The following SHROOM4 variants were observed in gnomAD, a reference collection of about 807,000 sequenced individuals.
SHROOM4 encodes the protein shroom family member 4.
SHROOM4 carries 17 observed loss-of-function variants against 80.3 expected under a neutral mutation model. The observed-to-expected ratio is 0.21, with a 90% CI of 0.14 to 0.32. The LOEUF is 0.32. Among genes scored for constraint, SHROOM4 ranks in the 10% least tolerant of loss-of-function variants. SHROOM4 has a pLI of 1.00. For missense variants in SHROOM4, 993 were observed against 1,140.3 expected (o/e 0.87, Z 1.86); for synonymous variants, 400 against 437.5 (o/e 0.91, Z 1.07).
At chrX:50,755,322 T>C (rs1214740906) in intron 1 of SHROOM4, among the ~76,000 whole-genome samples, 2 of 111,869 alleles carry the variant, frequency 1.8e-5, no homozygotes, top group Non-Finnish European at 3.8e-5. Flanking sequence ...GAGAGCTGGT[T>C]TGCCAGCACT....
At chrX:50,649,939 G>GTCT (rs1288216837) in intron 2 of SHROOM4, among the ~76,000 whole-genome samples, 1 of 112,360 alleles carries the variant, frequency 8.9e-6, no homozygotes, top group Non-Finnish European at 1.9e-5. Context: ...TACTTGAAGT[G>GTCT]TCTTCCACTG....
intron 1 of SHROOM4, among the ~76,000 whole-genome samples, chrX:50,744,844 C>G (rs1259728992): frequency 4.5e-5 from 5 of 111,794 alleles, no homozygotes; most frequent in African/African-American, 1.6e-4. Context: ...CTGTAGTGTA[C>G]AGTCTCTGAT....
At chrX:50,652,588 T>A (rs782549233) in intron 2 of SHROOM4, among the ~76,000 whole-genome samples, 2 of 112,375 alleles carry the variant, frequency 1.8e-5, no homozygotes, top group East Asian at 5.6e-4. Context: ...AGATCCTGTT[T>A]GTCAATTTTG....
At chrX:50,695,112 C>T (rs1305939022) in intron 2 of SHROOM4, among the ~76,000 whole-genome samples, 1 of 110,832 alleles carries the variant, frequency 9.0e-6, no homozygotes, top group African/African-American at 3.3e-5. Context: ...TATGCCACTG[C>T]ACTTACCTGC....
the SHROOM4 span, among the ~76,000 whole-genome samples, chrX:50,580,350 C>T: frequency 8.9e-6 from 1 of 112,184 alleles, no homozygotes; most frequent in Non-Finnish European, 1.9e-5. Flanking sequence ...ATGATGCTGC[C>T]ATTGTTGCTT....
intron 2 of SHROOM4, among the ~76,000 whole-genome samples, chrX:50,690,593 A>G (rs1557262567): frequency 8.9e-6 from 1 of 112,814 alleles, no homozygotes; most frequent in African/African-American, 3.2e-5. Flanking sequence ...ATGTGATCTA[A>G]AATATTCAAG....
chrX:50,608,790 T>C (rs145326642), intron 5 of SHROOM4, among the ~76,000 whole-genome samples: 1 of 112,474 alleles, frequency 8.9e-6, no homozygotes, highest in East Asian at 2.8e-4. Context: ...CCATTTATGT[T>C]TTATGACTGT....
intron 1 of SHROOM4, among the ~76,000 whole-genome samples, chrX:50,781,093 A>G (rs1192393724): frequency 9.0e-6 from 1 of 110,886 alleles, no homozygotes; most frequent in African/African-American, 3.3e-5. Flanking sequence ...AGAGAGAGAG[A>G]GAATTTGCCC....
chrX:50,604,579 T>C (rs2147223458), intron 6 of SHROOM4, among the ~76,000 whole-genome samples: 1 of 112,186 alleles, frequency 8.9e-6, no homozygotes, highest in South Asian at 3.7e-4. Flanking sequence ...ACTTAGGGAA[T>C]TCCTATCTAC....
intron 1 of SHROOM4, among the ~76,000 whole-genome samples, chrX:50,745,063 T>A (rs1934745764): frequency 8.9e-6 from 1 of 111,751 alleles, no homozygotes; most frequent in South Asian, 3.8e-4. Context: ...TAGCAGCTCA[T>A]AAATATCATA....
intron 2 of SHROOM4, among the ~76,000 whole-genome samples, chrX:50,642,525 A>G (rs1931640819): frequency 8.9e-6 from 1 of 111,975 alleles, no homozygotes; most frequent in African/African-American, 3.3e-5. Context: ...GTACACTCAT[A>G]GCTAACTGCA....
intron 1 of SHROOM4, among the ~76,000 whole-genome samples, chrX:50,813,145 CGGCGGCGGCGGCAGT>C (rs782571334): frequency 5.5e-5 from 5 of 90,778 alleles, no homozygotes; most frequent in South Asian, 1.2e-3. Context: ...CTGGCGGCGG[CGGCGGCGGCGGCAGT>C]GGCGGCGGCG....
intron 1 of SHROOM4, among the ~76,000 whole-genome samples, chrX:50,755,492 A>C (rs1935021622): frequency 8.9e-6 from 1 of 111,795 alleles, no homozygotes; most frequent in Non-Finnish European, 1.9e-5. Flanking sequence ...CATGTGGCAC[A>C]TTAAACATAC....
intron 1 of SHROOM4, among the ~76,000 whole-genome samples, chrX:50,706,860 A>G (rs1933691350): frequency 9.0e-6 from 1 of 111,714 alleles, no homozygotes; most frequent in Non-Finnish European, 1.9e-5. Flanking sequence ...CTTTAAGGAA[A>G]CTGAGGTGTA....
At chrX:50,719,776 A>G (rs1055584978) in intron 1 of SHROOM4, among the ~76,000 whole-genome samples, 1 of 112,496 alleles carries the variant, frequency 8.9e-6, no homozygotes, top group African/African-American at 3.2e-5. Context: ...GTGTGCACAC[A>G]TGTGTGTGCG....
chrX:50,597,411 G>T (rs2147206953), intron 8 of SHROOM4, among the ~76,000 whole-genome samples: 1 of 111,883 alleles, frequency 8.9e-6, no homozygotes, highest in East Asian at 2.8e-4. Flanking sequence ...TGTGCCTCTT[G>T]TTGTGGATTC....
intron 2 of SHROOM4, among the ~76,000 whole-genome samples, chrX:50,665,284 G>C (rs1009029725): frequency 3.6e-5 from 4 of 110,993 alleles, no homozygotes; most frequent in Admixed American, 9.7e-5. Context: ...CTTCTGTGAA[G>C]ACTGGTGAGC....
At chrX:50,805,327 T>C (rs1936206091) in intron 1 of SHROOM4, among the ~76,000 whole-genome samples, 1 of 111,184 alleles carries the variant, frequency 9.0e-6, no homozygotes, top group South Asian at 3.8e-4. Context: ...AGGAGAACCA[T>C]TGAAAACTTC....
intron 1 of SHROOM4, among the ~76,000 whole-genome samples, chrX:50,702,904 C>T (rs1453836304): frequency 9.0e-6 from 1 of 111,269 alleles, no homozygotes; most frequent in Non-Finnish European, 1.9e-5. Flanking sequence ...TCTCACGAGA[C>T]CTGATGGTTT....
Sources: allele counts gnomAD v4.1 joint callset (sites outside exome capture counted in the v4.1 genomes callset), GRCh38; gene constraint gnomAD v4.1.1; transcripts MANE v1.5; gene names NCBI Gene and HGNC (gene_info 2026-07-23, HGNC 2026-07-21).